The following SLC8A1 variants were observed in gnomAD, a reference collection of about 807,000 sequenced individuals.
SLC8A1 encodes solute carrier family 8 member A1.
In SLC8A1, 18 loss-of-function variants were observed where a neutral mutation model predicts 68.3. The observed-to-expected ratio is 0.26, with a 90% CI of 0.18 to 0.39. SLC8A1 has a LOEUF of 0.39. Among genes scored for constraint, SLC8A1 ranks in the 10% least tolerant of loss-of-function variants. SLC8A1 has a pLI of 1.00. For synonymous variants in SLC8A1, 475 were observed against 415.5 expected (o/e 1.14, Z -1.74); for missense variants, 985 against 1,156.7 (o/e 0.85, Z 2.15).
chr2:40,310,352 C>T (rs1049447581), intron 2 of SLC8A1, among the ~76,000 whole-genome samples: 1 of 152,132 alleles, frequency 6.6e-6, no homozygotes, highest in Non-Finnish European at 1.5e-5. Context: ...GCCCAGAACA[C>T]AAGCAAGAAA....
At chr2:40,299,800 G>A (rs903984606) in intron 2 of SLC8A1, among the ~76,000 whole-genome samples, 26 of 152,078 alleles carry the variant, frequency 1.7e-4, no homozygotes, top group African/African-American at 6.3e-4. Context: ...TCTATACTTA[G>A]GACAGAAACA....
At chr2:40,321,970 G>C (rs1200009734) in intron 2 of SLC8A1, among the ~76,000 whole-genome samples, 1 of 152,092 alleles carries the variant, frequency 6.6e-6, no homozygotes, top group African/African-American at 2.4e-5. Context: ...TCACTCATTA[G>C]TCAACTTAGG....
intron 2 of SLC8A1, among the ~76,000 whole-genome samples, chr2:40,345,196 T>C (rs527995992): frequency 1.3e-5 from 2 of 152,042 alleles, no homozygotes; most frequent in Non-Finnish European, 2.9e-5. Context: ...TGACACTCCG[T>C]CTCCTGTGGC....
At chr2:40,469,011 A>C (rs944276505) in intron 1 of SLC8A1, among the ~76,000 whole-genome samples, 3 of 152,182 alleles carry the variant, frequency 2.0e-5, no homozygotes, top group African/African-American at 4.8e-5. Context: ...TTCTAAAAGA[A>C]GTCTGTATTT....
chr2:40,204,202 A>G (rs2054939768), intron 2 of SLC8A1, among the ~76,000 whole-genome samples: 1 of 151,998 alleles, frequency 6.6e-6, no homozygotes. Context: ...TTTGGGATAC[A>G]TTGTTCTGTC....
chr2:40,508,678 G>T (rs565852578), intron 1 of SLC8A1, among the ~76,000 whole-genome samples: 1 of 152,104 alleles, frequency 6.6e-6, no homozygotes, highest in African/African-American at 2.4e-5. Flanking sequence ...TTAAAATAAG[G>T]ATTCTGTTAG....
intron 1 of SLC8A1, among the ~76,000 whole-genome samples, chr2:40,477,270 A>C (rs1489798308): frequency 1.3e-5 from 2 of 152,176 alleles, no homozygotes; most frequent in Non-Finnish European, 2.9e-5. Context: ...CTCTTACAAG[A>C]GAGAAAACCT....
chr2:40,212,712 CTTCTT>C (rs553637665), intron 2 of SLC8A1, among the ~76,000 whole-genome samples: 103 of 152,338 alleles, frequency 6.8e-4, no homozygotes, highest in African/African-American at 2.4e-3. Flanking sequence ...GAAGACTCTT[CTTCTT>C]TTCTTTTCTT....
At chr2:40,294,682 AC>A (rs1432895456) in intron 2 of SLC8A1, among the ~76,000 whole-genome samples, 4 of 152,176 alleles carry the variant, frequency 2.6e-5, no homozygotes, top group South Asian at 2.1e-4. Context: ...TCTTTAAAAA[AC>A]ATCTCAATCA....
intron 1 of SLC8A1, among the ~76,000 whole-genome samples, chr2:40,478,972 A>G (rs528646729): frequency 6.6e-6 from 1 of 151,974 alleles, no homozygotes; most frequent in Non-Finnish European, 1.5e-5. Context: ...GGGTTTCACC[A>G]TGTTGGCCAG....
At chr2:40,146,836 C>T (rs1052061333) in intron 6 of SLC8A1, among the ~76,000 whole-genome samples, 1 of 152,166 alleles carries the variant, frequency 6.6e-6, no homozygotes, top group Non-Finnish European at 1.5e-5. Context: ...TTCTTCCAAG[C>T]CACAGCTAAT....
intron 2 of SLC8A1, among the ~76,000 whole-genome samples, chr2:40,280,759 G>A (rs977610301): frequency 4.6e-5 from 7 of 152,230 alleles, no homozygotes; most frequent in African/African-American, 1.4e-4. Context: ...TTCAAGAAAG[G>A]CTCCTAAGAA....
chr2:40,259,399 G>T (rs1042719535), intron 2 of SLC8A1, among the ~76,000 whole-genome samples: 1 of 152,144 alleles, frequency 6.6e-6, no homozygotes, highest in Non-Finnish European at 1.5e-5. Flanking sequence ...TATTTGAAAA[G>T]GTAATATCTT....
intron 2 of SLC8A1, among the ~76,000 whole-genome samples, chr2:40,331,862 G>A (rs975546790): frequency 6.6e-6 from 1 of 151,972 alleles, no homozygotes; most frequent in African/African-American, 2.4e-5. Flanking sequence ...CAAAGTGCTG[G>A]GATTACAGGC....
intron 2 of SLC8A1, among the ~76,000 whole-genome samples, chr2:40,321,411 G>A (rs1284945277): frequency 3.3e-5 from 5 of 152,080 alleles, no homozygotes; most frequent in Non-Finnish European, 5.9e-5. Flanking sequence ...GGCAGACAGT[G>A]ATCTATAAAC....
chr2:40,292,048 C>T (rs2069428389), intron 2 of SLC8A1, among the ~76,000 whole-genome samples: 1 of 151,520 alleles, frequency 6.6e-6, no homozygotes, highest in African/African-American at 2.4e-5. Context: ...TATTTTATTT[C>T]TAGTCTTTAC....
At chr2:40,145,412 T>A (rs1215728028) in intron 6 of SLC8A1, among the ~76,000 whole-genome samples, 1 of 152,182 alleles carries the variant, frequency 6.6e-6, no homozygotes, top group Non-Finnish European at 1.5e-5. Context: ...TTTGGGAAAG[T>A]GGCCTGAATC....
chr2:40,272,216 C>A (rs1017242971), intron 2 of SLC8A1, among the ~76,000 whole-genome samples: 3 of 152,056 alleles, frequency 2.0e-5, no homozygotes, highest in Non-Finnish European at 4.4e-5. Context: ...CTCCTTTGTT[C>A]TTATTCATTT....
chr2:40,207,849 G>A (rs759260752), intron 2 of SLC8A1, among the ~76,000 whole-genome samples: 1 of 152,048 alleles, frequency 6.6e-6, no homozygotes, highest in Non-Finnish European at 1.5e-5. Context: ...GCTCCCACCA[G>A]TTTGGAACCT....
Sources: gnomAD v4.1 joint callset for allele counts (sites outside exome capture counted in the v4.1 genomes callset) on GRCh38, gnomAD v4.1.1 for gene constraint, MANE v1.5 for transcripts, NCBI Gene and HGNC (gene_info 2026-07-23, HGNC 2026-07-21) for gene names.